Variants in LDB2 observed in about 807,000 individuals in gnomAD.
The protein encoded by LDB2 is LIM domain binding 2.
Under a neutral mutation model 44.3 loss-of-function variants are expected in LDB2, and 12 were observed. The ratio of observed to expected loss-of-function variants is 0.27; its 90% CI spans 0.17 to 0.44. The LOEUF (loss-of-function observed/expected upper bound fraction) is 0.44, where lower values mean the gene tolerates loss of function less well. LDB2 is among the 20% of genes least tolerant of loss of function. The pLI is 1.00. For synonymous variants in LDB2, 164 were observed against 174.8 expected, an observed-to-expected ratio of 0.94 and a Z score of 0.49; for missense variants, 344 against 473.5, an observed-to-expected ratio of 0.73 and a Z score of 2.54.
At chr4:16,824,536 TAGTA>T (rs1408110983) in intron 1 of LDB2, among the ~76,000 whole-genome samples, 1 of 152,270 alleles carries the variant, frequency 6.6e-6, no homozygotes, top group Non-Finnish European at 1.5e-5. Context: ...CAATCTTATG[TAGTA>T]GGTTTTATCA....
intron 1 of LDB2, among the ~76,000 whole-genome samples, chr4:16,849,494 G>T (rs1787762798): frequency 1.3e-5 from 2 of 152,148 alleles, no homozygotes; most frequent in Admixed American, 1.3e-4. Context: ...ACTTTATCAT[G>T]ACCACATTCC....
At chr4:16,674,377 G>C in intron 2 of LDB2, 1 of 802,308 alleles carries the variant, frequency 1.2e-6, no homozygotes, top group Non-Finnish European at 1.8e-6. Flanking sequence ...AGTTGCCCTG[G>C]AGGCGGTGTT....
At chr4:16,678,763 G>C (rs1746998427) in intron 2 of LDB2, among the ~76,000 whole-genome samples, 2 of 152,164 alleles carry the variant, frequency 1.3e-5, no homozygotes, top group Admixed American at 6.5e-5. Flanking sequence ...TGCAAGGTGT[G>C]TTACTCCAGC....
rs145204688 is a variant in LDB2, at chr4:16,578,539, A to G, written c.615+7383T>C. ...ATCCCAGTCAAAATGGTTTTTAGCC[A>G]AAAGACAGTCAATAACAAATGCTGG... On this transcript the variant is annotated intron_variant, in intron 5 of 7. Transcript: ENST00000304523. Among the ~76,000 whole-genome samples, 8 of 152,330 alleles carry G rather than the reference A, an allele frequency of 5.3e-5. No homozygotes were observed. In the East Asian group the frequency reaches 1.2e-3, roughly 22 times the overall value.
chr4:16,712,331 A>G (rs1049542627), intron 2 of LDB2, among the ~76,000 whole-genome samples: 2 of 152,162 alleles, frequency 1.3e-5, no homozygotes, highest in African/African-American at 4.8e-5. Context: ...AGGCGGGTGG[A>G]TCACGAGGTC....
intron 1 of LDB2, among the ~76,000 whole-genome samples, chr4:16,800,688 T>G (rs113354261): frequency 0.016 from 2,406 of 152,314 alleles, 83 homozygotes; most frequent in African/African-American, 0.055. Flanking sequence ...TTGTTTTGTT[T>G]TTTTGAGACG....
intron 2 of LDB2, among the ~76,000 whole-genome samples, chr4:16,669,266 C>T (rs1186356448): frequency 6.6e-6 from 1 of 152,166 alleles, no homozygotes; most frequent in Non-Finnish European, 1.5e-5. Flanking sequence ...CCAGAATTCC[C>T]AGTTCTTGTT....
At chr4:16,888,968 A>C (rs1394468389) in intron 1 of LDB2, among the ~76,000 whole-genome samples, 3 of 152,112 alleles carry the variant, frequency 2.0e-5, no homozygotes, top group Non-Finnish European at 4.4e-5. Context: ...CACTGTTTTC[A>C]TTCCAGAAGA....
chr4:16,597,144 T>C (rs1721194000), intron 2 of LDB2, among the ~76,000 whole-genome samples: 2 of 152,310 alleles, frequency 1.3e-5, no homozygotes, highest in South Asian at 4.1e-4. Flanking sequence ...ATCTCTTTTG[T>C]ACATGAACTT....
chr4:16,811,635 C>A (rs1579889080), intron 1 of LDB2, among the ~76,000 whole-genome samples: 1 of 152,216 alleles, frequency 6.6e-6, no homozygotes, highest in African/African-American at 2.4e-5. Flanking sequence ...TCTGCTCCCC[C>A]TTAAACATAT....
intron 2 of LDB2, among the ~76,000 whole-genome samples, chr4:16,699,738 T>C (rs1382938330): frequency 2.0e-5 from 3 of 152,308 alleles, no homozygotes; most frequent in African/African-American, 4.8e-5. Context: ...TAAATGATCA[T>C]TTATAGCTCA....
chr4:16,543,351 G>A (rs1196594706), intron 5 of LDB2, among the ~76,000 whole-genome samples: 1 of 152,204 alleles, frequency 6.6e-6, no homozygotes, highest in East Asian at 1.9e-4. Flanking sequence ...TTGCCACACT[G>A]TCTTCCACAA....
At chr4:16,623,786 A>G (rs2152484659) in intron 2 of LDB2, among the ~76,000 whole-genome samples, 1 of 140,946 alleles carries the variant, frequency 7.1e-6, no homozygotes, top group Non-Finnish European at 1.6e-5. Flanking sequence ...ACACACACAC[A>G]CGTTTTATTT....
intron 5 of LDB2, among the ~76,000 whole-genome samples, chr4:16,547,492 G>A (rs6855048): frequency 0.3 from 46,083 of 152,124 alleles, 9,892 homozygotes; most frequent in African/African-American, 0.59. Flanking sequence ...GCTTCAGCCA[G>A]TATCTTGCTC....
At chr4:16,755,477 GTGT>G (rs1766351920) in intron 2 of LDB2, among the ~76,000 whole-genome samples, 1 of 20,784 alleles carries the variant, frequency 4.8e-5, no homozygotes, top group Non-Finnish European at 1.7e-4. Flanking sequence ...AATAGGGTGT[GTGT>G]GTGTGTGTGT....
At chr4:16,591,495 T>C (rs1718941427) in intron 3 of LDB2, among the ~76,000 whole-genome samples, 1 of 152,148 alleles carries the variant, frequency 6.6e-6, no homozygotes, top group East Asian at 1.9e-4. Flanking sequence ...GAATCAAATC[T>C]GAGTTGACTA....
chr4:16,566,555 A>C (rs931799001), intron 5 of LDB2, among the ~76,000 whole-genome samples: 1 of 152,038 alleles, frequency 6.6e-6, no homozygotes, highest in African/African-American at 2.4e-5. Flanking sequence ...GAAAAAAATC[A>C]CCCCATTTTA....
At chr4:16,628,860 C>T (rs1476320108) in intron 2 of LDB2, among the ~76,000 whole-genome samples, 4 of 152,146 alleles carry the variant, frequency 2.6e-5, no homozygotes, top group Admixed American at 1.3e-4. Context: ...CAAGGGAAGC[C>T]GTGAGTGACT....
At chr4:16,891,313 T>C (rs904001045) in intron 1 of LDB2, among the ~76,000 whole-genome samples, 1 of 124,054 alleles carries the variant, frequency 8.1e-6, no homozygotes, top group Non-Finnish European at 1.8e-5. Context: ...TCTTTTTTTT[T>C]TTTTTTTTTT....
Sources: gnomAD v4.1 joint callset for allele counts (sites outside exome capture counted in the v4.1 genomes callset) on GRCh38, gnomAD v4.1.1 for gene constraint, MANE v1.5 for transcripts, NCBI Gene and HGNC (gene_info 2026-07-23, HGNC 2026-07-21) for gene names.